TRAF3IP3: variants seen among roughly 807,000 people sequenced by gnomAD.
The protein encoded by TRAF3IP3 is TRAF3 interacting protein 3.
In TRAF3IP3, 64 loss-of-function variants were observed where a neutral mutation model predicts 86.5. The ratio of observed to expected loss-of-function variants is 0.74; its 90% CI spans 0.60 to 0.91. The LOEUF (loss-of-function observed/expected upper bound fraction) is 0.91, where lower values mean the gene tolerates loss of function less well. TRAF3IP3 is among the 40% of genes least tolerant of loss of function. TRAF3IP3 has a pLI of 0.00. For synonymous variants in TRAF3IP3, 220 were observed against 243.9 expected (o/e 0.90, Z 0.91); for missense variants, 579 against 642.9 (o/e 0.90, Z 1.07).
chr1:209,771,077 TGGA>T (rs1480339562), intron 8 of TRAF3IP3, among the ~76,000 whole-genome samples: 1 of 126,720 alleles, frequency 7.9e-6, no homozygotes, highest in Non-Finnish European at 1.6e-5. Flanking sequence ...TGTGTGCAGG[TGGA>T]GGTGTGTGTG....
chr1:209,765,243 AAGGAAGGAAGGAAGGAAG>A (rs2077332272), intron 8 of TRAF3IP3, among the ~76,000 whole-genome samples: 7 of 117,124 alleles, frequency 6.0e-5, no homozygotes, highest in African/African-American at 2.1e-4. Context: ...GGAAGGAAGG[AAGGAAGGAAGGAAGGAAG>A]GAAGGAAGGA....
In TRAF3IP3 at chr1:209,775,755, G is replaced by C; in HGVS notation, c.1053+19G>C. The stretch of plus-strand genomic sequence containing the variant: ...ACTGCAGGTACCAGGCACTGGGGGT[G>C]GGGAGGGAAGACAGGGTATGGGGAG... On this transcript the variant is annotated intron_variant, in intron 11 of 16. Coordinates refer to ENST00000367025, the MANE Select transcript of TRAF3IP3 (RefSeq NM_025228.4). The C allele has an allele frequency of 6.3e-7, 1 of 1,599,186 alleles. No individual in the cohort carries two copies. The highest frequency in any genetic ancestry group is 8.5e-7 in the Non-Finnish European group (1 of 1,172,602).
At chr1:209,771,354 T>G (rs893253313) in intron 8 of TRAF3IP3, among the ~76,000 whole-genome samples, 2 of 145,466 alleles carry the variant, frequency 1.4e-5, no homozygotes, top group African/African-American at 5.1e-5. Context: ...TGTGGAGGTG[T>G]GCGTGTGCAG....
chr1:209,771,953 G>A (rs575355460), intron 8 of TRAF3IP3, among the ~76,000 whole-genome samples: 1 of 142,520 alleles, frequency 7.0e-6, no homozygotes, highest in African/African-American at 2.6e-5. Flanking sequence ...GCGTGTGCAT[G>A]TGAAGGTGTG....
intron 12 of TRAF3IP3, 36 bp from the exon 13 acceptor site, chr1:209,778,075 G>A: frequency 3.1e-6 from 5 of 1,592,858 alleles, no homozygotes; most frequent in Non-Finnish European, 3.4e-6. Flanking sequence ...TAAGTCTTGG[G>A]TTCCTTTATT....
chr1:209,779,043 C>T (rs189004890), intron 13 of TRAF3IP3: 11 of 496,486 alleles, frequency 2.2e-5, no homozygotes, highest in African/African-American at 1.6e-4. Flanking sequence ...CCATATTTCC[C>T]CTTCTTATAA....
chr1:209,776,240 T>C (rs1003991230), intron 11 of TRAF3IP3: 6 of 153,096 alleles, frequency 3.9e-5, no homozygotes, highest in African/African-American at 1.4e-4. Context: ...TAAGCCTCAG[T>C]TTCCCCATCT....
At chr1:209,773,383 T>C (rs563894362) in intron 9 of TRAF3IP3, among the ~76,000 whole-genome samples, 19 of 152,244 alleles carry the variant, frequency 1.2e-4, no homozygotes, top group Non-Finnish European at 2.4e-4. Flanking sequence ...TTTGAACAGA[T>C]GAGTTAGATG....
Position 209,775,361 on chromosome 1 carries a change from T to C in TRAF3IP3, c.787T>C (p.Trp263Arg). The C allele has an allele frequency of 6.2e-7, 1 of 1,612,666 alleles. No homozygotes were observed. The highest frequency in any genetic ancestry group is 8.5e-7 in the Non-Finnish European group (1 of 1,179,262). ...LYTCTQKYSP[W>R]GMKKVLLEME... ...ATCAAATTTACAGAAATACTCCCCT[T>C]GGGGAATGAAAAAAGTACTACTGGA... The change falls in exon 10 of 17, where the codon TGG becomes CGG. Residue 263 changes from tryptophan to arginine, a missense_variant. By Grantham distance (101) the Trp-to-Arg change is moderately radical. Transcript: ENST00000367025.
rs767332069 is a variant in TRAF3IP3 at position 209,760,139 on chromosome 1, C to T, written c.100C>T (p.Arg34Cys). The change falls in exon 3 of 17, where the codon CGC (arginine) becomes TGC (cysteine). Residue 34 changes from arginine (R) to cysteine (C), a missense_variant. By Grantham distance (180) the Arg-to-Cys change is radical. Transcript: ENST00000367025. The part of the protein sequence containing the change: ...ERRQEIRESR[R>C]CRPNVTTCRQ... ...CAGGCAAGAGATCCGTGAAAGCCGC[C>T]GCTGCCGTCCCAATGTGACCACTTG... The T allele has an allele frequency of 6.2e-7, 1 of 1,614,218 alleles. No homozygotes were observed. Among genetic ancestry groups the T allele is most frequent in the Non-Finnish European group, 8.5e-7 (1 of 1,180,042 alleles).
At chr1:209,756,342 G>C (rs1396364532) in intron 1 of TRAF3IP3, 33 bp downstream of exon 1, 1 of 152,302 alleles carries the variant, frequency 6.6e-6, no homozygotes, top group Non-Finnish European at 1.5e-5. Flanking sequence ...TTGTGTCCAG[G>C]TTTGGGAACT....
chr1:209,770,572 GTGTGCATGTGGAGGTGTATC>G (rs1270789261), intron 8 of TRAF3IP3, among the ~76,000 whole-genome samples: 2 of 142,602 alleles, frequency 1.4e-5, no homozygotes, highest in Non-Finnish European at 3.1e-5. Context: ...GGTAGAATGT[GTGTGCATGTGGAGGTGTATC>G]TGTGCATGTG....
At position 209,762,486 on chromosome 1, in the gene TRAF3IP3, G is replaced by T. The variant is rs371450634; in HGVS notation, c.346-29G>T. The T allele has an allele frequency of 2.2e-5, 32 of 1,443,302 alleles. No individual in the cohort carries two copies. In the African/African-American group the frequency reaches 3.2e-4, roughly 15 times the overall value. The allele number at this position is 1,443,302 out of a possible 1,614,324, so 89.4% of individuals were successfully genotyped here. A position where few individuals can be genotyped will look rare whatever the true frequency, so the allele number is the denominator to read the frequency against. ...GTCTTTCAAGAGGCTCCAGGCAGTG[G>T]TTTTCAGCATTCCCCACTTGCCTTC... On this transcript the variant is annotated intron_variant, in intron 3 of 16. Coordinates refer to ENST00000367025, the MANE Select transcript of TRAF3IP3 (RefSeq NM_025228.4).
chr1:209,772,124 A>G (rs1441957164), intron 8 of TRAF3IP3, among the ~76,000 whole-genome samples: 1 of 151,894 alleles, frequency 6.6e-6, no homozygotes, highest in Non-Finnish European at 1.5e-5. Flanking sequence ...GAGTGTATTA[A>G]TCTCCTAGGG....
At position 209,780,464 on chromosome 1, in the gene TRAF3IP3, T is replaced by C. The variant is rs376989756; in HGVS notation, c.1313-6T>C. ...ACTGTCACCAAGAATCTGGCTGCTT[T>C]TTTAGATCAGGCTTTGCCCGTGTGG... On this transcript the variant is annotated splice_polypyrimidine_tract_variant and splice_region_variant and intron_variant, in intron 14 of 16. Coordinates refer to ENST00000367025, the MANE Select transcript of TRAF3IP3 (RefSeq NM_025228.4). The C allele has an allele frequency of 2.8e-5, 44 of 1,549,894 alleles. No individual in the cohort carries two copies. The highest frequency in any genetic ancestry group is 3.8e-5 in the Non-Finnish European group (44 of 1,142,966).
At chr1:209,778,527 T>C (rs1045930557) in intron 13 of TRAF3IP3, 10 of 224,598 alleles carry the variant, frequency 4.5e-5, no homozygotes, top group African/African-American at 2.3e-4. Context: ...AGAGATGGTT[T>C]AGAAAATAAG....
At chr1:209,758,931 C>G (rs2077199486) in intron 1 of TRAF3IP3, 103 bp from the exon 2 acceptor site, 1 of 152,256 alleles carries the variant, frequency 6.6e-6, no homozygotes, top group African/African-American at 2.4e-5. Context: ...ATGTGAATAT[C>G]AGGTAAGGCC....
chr1:209,770,528 A>G (rs1392367079), intron 8 of TRAF3IP3, among the ~76,000 whole-genome samples: 74 of 105,784 alleles, frequency 7.0e-4, no homozygotes, highest in Middle Eastern at 8.8e-3. Context: ...TGCAGGTGGA[A>G]GTGTGCGTGT....
At position 209,781,389 on chromosome 1, in the gene TRAF3IP3, T is replaced by C; in HGVS notation, c.1494T>C (p.Tyr498=). 6.2e-7 allele frequency: 1 copy of C among 1,613,682 alleles called. No homozygotes were observed. The highest frequency in any genetic ancestry group is 1.3e-5 in the African/African-American group (1 of 75,034). The change falls in exon 16 of 17, where the codon TAT becomes TAC. Residue 498 remains tyrosine (Y), a synonymous_variant. Coordinates refer to ENST00000367025, the MANE Select transcript of TRAF3IP3 (RefSeq NM_025228.4). ...AATTAGACAACCTCAGTGACGAGTA[T>C]CTCTCCTGCCTGCGTAAGCTGCAGC... The part of the protein sequence containing the change: ...HSELDNLSDE[Y]LSCLRKLQHC...
Sources: gnomAD v4.1 joint callset for allele counts (sites outside exome capture counted in the v4.1 genomes callset) on GRCh38, gnomAD v4.1.1 for gene constraint, MANE v1.5 for transcripts, NCBI Gene and HGNC (gene_info 2026-07-23, HGNC 2026-07-21) for gene names.